The following ULK1 variants were observed in gnomAD, a reference collection of about 807,000 sequenced individuals.
ULK1 encodes unc-51 like autophagy activating kinase 1.
In ULK1, 48 loss-of-function variants were observed where a neutral mutation model predicts 117.5. The ratio of observed to expected loss-of-function variants is 0.41; its 90% CI spans 0.32 to 0.52. The LOEUF (loss-of-function observed/expected upper bound fraction) is 0.52. Among genes scored for constraint, ULK1 ranks in the 20% least tolerant of loss-of-function variants. ULK1 has a pLI of 0.29. For missense variants in ULK1, 1,387 were observed against 1,473.4 expected, an observed-to-expected ratio of 0.94 and a Z score of 0.96; for synonymous variants, 790 against 637.8, an observed-to-expected ratio of 1.24 and a Z score of -3.60.
Position 131,895,630 on chromosome 12 carries a change from C to T in ULK1, c.141C>T (p.Cys47=). The T allele has an allele frequency of 6.2e-7, 1 of 1,614,008 alleles. No homozygotes were observed. Among genetic ancestry groups the T allele is most frequent in the Non-Finnish European group, 8.5e-7 (1 of 1,179,982 alleles). ...ACGATTTGGAGGTCGCCGTCAAGTG[C>T]ATTAACAAGAAGAACCTCGCCAAGT... ...EKHDLEVAVK[C]INKKNLAKSQ... Residue 47 remains cysteine (C), a synonymous_variant, in exon 2 of 28, where the codon TGC becomes TGT. Coordinates refer to ENST00000321867, the MANE Select transcript of ULK1 (RefSeq NM_003565.4).
intron 3 of ULK1, chr12:131,898,128 A>C (rs1216734831): frequency 6.6e-6 from 1 of 152,146 alleles, no homozygotes; most frequent in Admixed American, 6.6e-5. Flanking sequence ...GGGTTGGAGG[A>C]GCCATCGTGG....
chr12:131,902,943 T>C lies in ULK1; in HGVS notation c.247-3949T>C, dbSNP rs1889142748. Reference sequence around the variant, plus strand: ...CCCAGGGTAGCTTGTGAAAACCAAATGTAGCTGCGAGGCAGACGTGGAGCC... The same window carrying C: ...CCCAGGGTAGCTTGTGAAAACCAAACGTAGCTGCGAGGCAGACGTGGAGCC... On this transcript the variant is annotated intron_variant, in intron 3 of 27. Coordinates refer to ENST00000321867, the MANE Select transcript of ULK1 (RefSeq NM_003565.4). This position sits in a 1 kb window ranked among gnomAD's most constrained non-coding sequence, Gnocchi z 6.3. 6.6e-6 allele frequency among the ~76,000 whole-genome samples: 1 copy of C among 152,064 alleles called. No homozygotes were observed. The highest frequency in any genetic ancestry group is 1.5e-5 in the Non-Finnish European group (1 of 67,998).
At chr12:131,911,793 G>C (rs937326044) in intron 12 of ULK1, 149 bp from the exon 13 acceptor site, 50 of 1,108,270 alleles carry the variant, frequency 4.5e-5, no homozygotes, top group Non-Finnish European at 6.1e-5. Flanking sequence ...GAGAAGAGCG[G>C]AGCACAGGAA....
chr12:131,908,528 GCCTGCGGC>G, intron 5 of ULK1, 108 bp from the exon 6 acceptor site: 1 of 1,292,522 alleles, frequency 7.7e-7, no homozygotes, highest in South Asian at 1.7e-5. Flanking sequence ...TTTCCTCCCG[GCCTGCGGC>G]CCTGCCTGGC....
chr12:131,895,900 GCA>G, intron 3 of ULK1, 76 bp downstream of exon 3: 1 of 1,581,786 alleles, frequency 6.3e-7, no homozygotes, highest in Non-Finnish European at 8.7e-7. Flanking sequence ...CCCCTGGTGA[GCA>G]CTGGTGTTGA....
chr12:131,914,993 T>C (rs1889707154), intron 16 of ULK1, 90 bp from the exon 17 acceptor site: 1 of 1,488,004 alleles, frequency 6.7e-7, no homozygotes, highest in Admixed American at 2.5e-5. Context: ...CCTCCCCTCC[T>C]AATACCTGCC....
rs769889522 is a variant in ULK1 at position 131,915,401 on chromosome 12, G to C, written c.1589G>C (p.Gly530Ala). 8.1e-6 allele frequency: 13 copies of C among 1,612,724 alleles called. No individual in the cohort carries two copies. Among genetic ancestry groups the C allele is most frequent in the Non-Finnish European group, 1.0e-5 (12 of 1,179,974 alleles). ...TCCCCACAGGGAGCTGAGATGCGGGGTGGCAGGTCCCCTCGTCCAGGTGGG... is the reference window on the plus strand; with the variant it reads ...TCCCCACAGGGAGCTGAGATGCGGGCTGGCAGGTCCCCTCGTCCAGGTGGG... Reference protein sequence around the residue: ...TPSPQGAEMRGGRSPRPGSSA... With the variant: ...TPSPQGAEMRAGRSPRPGSSA... Residue 530 changes from glycine to alanine, a missense_variant, in exon 18 of 28, where the codon GGT becomes GCT. This residue lies in a region of ULK1 where 900 missense variants were observed against 858.9 expected (regional missense o/e 1.05). Transcript: ENST00000321867.
At chr12:131,916,718 G>A (rs1889805510) in intron 20 of ULK1, 127 bp downstream of exon 20, 5 of 1,259,892 alleles carry the variant, frequency 4.0e-6, no homozygotes, top group Non-Finnish European at 4.2e-6. Flanking sequence ...TGGGTGCCCA[G>A]TGTGGCTGGG....
At chr12:131,901,359 A>C (rs1593259776) in intron 3 of ULK1, among the ~76,000 whole-genome samples, 2 of 145,650 alleles carry the variant, frequency 1.4e-5, no homozygotes, top group East Asian at 4.3e-4. Context: ...TCGTCTCAAA[A>C]AAAAAAAAAA....
In ULK1 at chr12:131,910,583, C is replaced by T. The variant is rs376403126; in HGVS notation, c.860-129C>T. 4.5e-5 allele frequency: 72 copies of T among 1,589,410 alleles called. No homozygotes were observed. The East Asian group carries it at 1.6e-3, about 34-fold the overall frequency. On this transcript the variant is annotated intron_variant, in intron 11 of 27. Transcript: ENST00000321867. ...GGTGGCCCAGGAGGGAGCCTCCCTC[C>T]TTCCTGCTGGTCGGGGTGTAGCCGG...
intron 3 of ULK1, chr12:131,896,678 C>G (rs1437865767): frequency 6.6e-6 from 1 of 152,348 alleles, no homozygotes; most frequent in Non-Finnish European, 1.5e-5. Context: ...ACCTGGAAAC[C>G]CAGGCACACT....
At chr12:131,901,736 C>T (rs901703251) in intron 3 of ULK1, among the ~76,000 whole-genome samples, 3 of 152,118 alleles carry the variant, frequency 2.0e-5, no homozygotes, top group African/African-American at 7.2e-5. Context: ...AGTATCTGTC[C>T]GCGATGGCTG....
At chr12:131,917,735 TG>T (rs1346898130) in intron 22 of ULK1, among the ~76,000 whole-genome samples, 181 bp downstream of exon 22, 1 of 152,070 alleles carries the variant, frequency 6.6e-6, no homozygotes, top group Non-Finnish European at 1.5e-5. Context: ...GAAATGGACG[TG>T]GTTCTGGTAT....
At chr12:131,906,780 C>A in intron 3 of ULK1, 112 bp from the exon 4 acceptor site, 1 of 1,366,064 alleles carries the variant, frequency 7.3e-7, no homozygotes. Flanking sequence ...GGCTGACCAG[C>A]TAAGTCCTGG....
Position 131,916,950 on chromosome 12 carries a change from C to A in ULK1, c.2073-3C>A. On this transcript the variant is annotated splice_polypyrimidine_tract_variant and splice_region_variant and intron_variant, in intron 20 of 27. Transcript: ENST00000321867. ...CCCAGCACAGCCCTGCACACTCCCA[C>A]AGGTCTTTCAGCACCAGCCGCCTCA... 2 of 1,609,464 alleles carry A rather than the reference C, an allele frequency of 1.2e-6. No individual in the cohort carries two copies. The highest frequency in any genetic ancestry group is 8.5e-7 in the Non-Finnish European group (1 of 1,178,246).
At chr12:131,919,449 T>C (rs1566130016) in intron 24 of ULK1, 23 bp from the exon 25 acceptor site, 2 of 1,604,754 alleles carry the variant, frequency 1.2e-6, no homozygotes, top group Non-Finnish European at 1.7e-6. Context: ...ACCGGCCTCC[T>C]CTGATCTGCC....
At chr12:131,912,151 T>C in intron 13 of ULK1, 62 bp downstream of exon 13, 1 of 1,548,448 alleles carries the variant, frequency 6.5e-7, no homozygotes, top group Non-Finnish European at 8.7e-7. Context: ...GTGCATTGCA[T>C]GTGTTGGATG....
intron 26 of ULK1, chr12:131,920,817 G>A (rs1890119532): frequency 2.3e-6 from 1 of 426,968 alleles, no homozygotes; most frequent in Admixed American, 3.9e-5. Context: ...CGCCCAGGCA[G>A]GCCAGGCAGC....
In ULK1 at chr12:131,917,097, T is replaced by TCGGAGGCTGTGGGAC. The variant is rs751134746; in HGVS notation, c.2182+35_2182+36insCGGAGGCTGTGGGAC. 4.9e-3 allele frequency: 2,189 copies of TCGGAGGCTGTGGGAC among 442,916 alleles called. 401 individuals are homozygous for TCGGAGGCTGTGGGAC. Among genetic ancestry groups the TCGGAGGCTGTGGGAC allele is most frequent in the South Asian group, 0.012 (321 of 27,358 alleles). The allele number at this position is 442,916 out of a possible 1,614,324, so 27.4% of individuals were successfully genotyped here. A position where few individuals can be genotyped will look rare whatever the true frequency, so the allele number is the denominator to read the frequency against. ...TGGGTGGGGCTCGGAGGCTGTGGGA[T>TCGGAGGCTGTGGGAC]GGGGGTCGGAGGCTGTGGGATGGGG... On this transcript the variant is annotated intron_variant, in intron 21 of 27. Coordinates refer to ENST00000321867, the MANE Select transcript of ULK1 (RefSeq NM_003565.4).
Sources: allele counts gnomAD v4.1 joint callset (sites outside exome capture counted in the v4.1 genomes callset), GRCh38; gene constraint gnomAD v4.1.1; regional missense constraint gnomAD v4.1.1; non-coding constraint Gnocchi (gnomAD v3.1); transcripts MANE v1.5; gene names NCBI Gene and HGNC (gene_info 2026-07-23, HGNC 2026-07-21).